TGS1: variants seen among roughly 807,000 people sequenced by gnomAD.
The protein encoded by TGS1 is trimethylguanosine synthase 1.
A neutral mutation model predicts 92.2 loss-of-function variants in TGS1; 69 were observed. The ratio of observed to expected loss-of-function variants is 0.75; its 90% CI spans 0.62 to 0.91. TGS1 has a LOEUF of 0.91. Ranked by LOEUF, TGS1 falls within the 40% of genes least tolerant of loss-of-function variation. TGS1 has a pLI of 0.00. For missense variants in TGS1, 1,062 were observed against 1,001.2 expected (o/e 1.06, Z -0.82); for synonymous variants, 345 against 338.1 (o/e 1.02, Z -0.22).
chr8:55,773,604 C>T lies in TGS1; in HGVS notation c.-15C>T. The T allele has an allele frequency of 6.2e-7, 1 of 1,603,738 alleles. No homozygotes were observed. The highest frequency in any genetic ancestry group is 8.5e-7 in the Non-Finnish European group (1 of 1,175,324). ...CCCGGGCTGCGTACGTCAGAGCTGC[C>T]TCCGAAGTGGTAAAATGTGCTGCGA... is the stretch of plus-strand genomic sequence containing the variant. On this transcript the variant is annotated 5_prime_UTR_variant, in exon 1 of 13. Coordinates refer to ENST00000260129, the MANE Select transcript of TGS1 (RefSeq NM_024831.8).
intron 12 of TGS1, among the ~76,000 whole-genome samples, chr8:55,814,154 C>T (rs958537203): frequency 2.0e-5 from 3 of 152,062 alleles, no homozygotes; most frequent in African/African-American, 7.2e-5. Flanking sequence ...CACCATGTTG[C>T]CCACACTGGT....
In TGS1 at chr8:55,804,978, A is replaced by G; in HGVS notation, c.2085A>G (p.Val695=). The G allele has an allele frequency of 6.2e-7, 1 of 1,614,088 alleles. No individual in the cohort carries two copies. The highest frequency in any genetic ancestry group is 8.5e-7 in the Non-Finnish European group (1 of 1,179,982). ...AGTCCTTCAAGTGTGACGTTGTAGT[A>G]GACGCATTCTGTGGAGTTGGAGGAA... The part of the protein sequence containing the change: ...VSQSFKCDVV[V]DAFCGVGGNT... Residue 695 remains valine, a synonymous_variant, in exon 10 of 13, where the codon GTA becomes GTG. Coordinates refer to ENST00000260129, the MANE Select transcript of TGS1 (RefSeq NM_024831.8).
chr8:55,793,623 A>C (rs1312207453), intron 6 of TGS1, among the ~76,000 whole-genome samples: 1 of 152,068 alleles, frequency 6.6e-6, no homozygotes, highest in Admixed American at 6.6e-5. Context: ...GTTGCAGCAC[A>C]GTGGTGCGAT....
At chr8:55,793,644 T>A (rs1418257631) in intron 6 of TGS1, among the ~76,000 whole-genome samples, 1 of 152,140 alleles carries the variant, frequency 6.6e-6, no homozygotes, top group Non-Finnish European at 1.5e-5. Context: ...CTCGGCCCAC[T>A]GCGACATCCG....
intron 10 of TGS1, 68 bp downstream of exon 10, chr8:55,805,104 T>C (rs1812330463): frequency 2.9e-6 from 4 of 1,376,894 alleles, no homozygotes; most frequent in African/African-American, 2.8e-5. Context: ...TCCATTTTGC[T>C]ACAGCCTATC....
At chr8:55,810,776 A>T in intron 10 of TGS1, 105 bp from the exon 11 acceptor site, 1 of 920,804 alleles carries the variant, frequency 1.1e-6, no homozygotes, top group Non-Finnish European at 1.7e-6. Context: ...TCCTCTTTAT[A>T]AAGAGTTCTT....
At chr8:55,782,901 G>T in intron 2 of TGS1, 89 bp downstream of exon 2, 1 of 814,224 alleles carries the variant, frequency 1.2e-6, no homozygotes, top group Non-Finnish European at 1.9e-6. Context: ...ATATTGTATT[G>T]ATTTGTTAGC....
chr8:55,820,203 C>T (rs975582195), intron 12 of TGS1, among the ~76,000 whole-genome samples: 1 of 152,110 alleles, frequency 6.6e-6, no homozygotes, highest in Non-Finnish European at 1.5e-5. Context: ...GTTATTTTCT[C>T]TCATTCGGTT....
At chr8:55,778,359 A>G (rs1416957378) in intron 1 of TGS1, among the ~76,000 whole-genome samples, 3 of 152,194 alleles carry the variant, frequency 2.0e-5, no homozygotes. Flanking sequence ...CTATGCTACC[A>G]GTTGGCATAG....
chr8:55,773,692 T>G lies in TGS1; in HGVS notation c.74T>G (p.Leu25Arg). 6.2e-7 allele frequency: 1 copy of G among 1,611,242 alleles called. No individual in the cohort carries two copies. The highest frequency in any genetic ancestry group is 8.5e-7 in the Non-Finnish European group (1 of 1,178,930). Residue 25 changes from leucine to arginine, a missense_variant, in exon 1 of 13, where the codon CTG becomes CGG. Leu to Arg is a moderately radical substitution (Grantham distance 102). Coordinates refer to ENST00000260129, the MANE Select transcript of TGS1 (RefSeq NM_024831.8). ...GAGGAGCGGGAGGATTGTAAGATAC[T>G]GTGCCTTTGCTCCAGGGCATTTGTG... is the stretch of plus-strand genomic sequence containing the variant. ...FIEEREDCKILCLCSRAFVED... is the reference protein window; with the variant it reads ...FIEEREDCKIRCLCSRAFVED...
chr8:55,804,979 G>C lies in TGS1; in HGVS notation c.2086G>C (p.Asp696His), dbSNP rs2130198967. The change falls in exon 10 of 13, where the codon GAC becomes CAC. Residue 696 changes from aspartate (D) to histidine (H), a missense_variant. Asp to His is a moderately conservative substitution (Grantham distance 81). Transcript: ENST00000260129. ...SQSFKCDVVV[D>H]AFCGVGGNTI... ...GTCCTTCAAGTGTGACGTTGTAGTAGACGCATTCTGTGGAGTTGGAGGAAA... is the reference window on the plus strand; with the variant it reads ...GTCCTTCAAGTGTGACGTTGTAGTACACGCATTCTGTGGAGTTGGAGGAAA... The C allele has an allele frequency of 6.2e-7, 1 of 1,614,052 alleles. No individual in the cohort carries two copies. The highest frequency in any genetic ancestry group is 2.2e-5 in the East Asian group (1 of 44,860).
Position 55,804,946 on chromosome 8 carries a change from G to T in TGS1, c.2053G>T (p.Val685Phe). The change falls in exon 10 of 13, where the codon GTT (valine) becomes TTT (phenylalanine). Residue 685 changes from valine to phenylalanine, a missense_variant. Val to Phe is a conservative substitution (Grantham distance 50, BLOSUM62 -1). Transcript: ENST00000260129. ...GATTGCTGAACACATTGCTGGCCGT[G>T]TTAGTCAGTCCTTCAAGTGTGACGT... Reference protein sequence around the residue: ...EKIAEHIAGRVSQSFKCDVVV... With the variant: ...EKIAEHIAGRFSQSFKCDVVV... 1 of 1,614,046 alleles carries T rather than the reference G, an allele frequency of 6.2e-7. No homozygotes were observed. Among genetic ancestry groups the T allele is most frequent in the South Asian group, 1.1e-5 (1 of 91,074 alleles).
At position 55,786,227 on chromosome 8, in the gene TGS1, A is replaced by G; in HGVS notation, c.340-11A>G. Reference sequence around the variant, plus strand: ...AGTGCATTTTATATTCAAGTTATTTATCTGATATAGGTATCTATGAATACT... The same window carrying G: ...AGTGCATTTTATATTCAAGTTATTTGTCTGATATAGGTATCTATGAATACT... On this transcript the variant is annotated splice_polypyrimidine_tract_variant and intron_variant, in intron 3 of 12. Coordinates refer to ENST00000260129, the MANE Select transcript of TGS1 (RefSeq NM_024831.8). 1 of 1,231,118 alleles carries G rather than the reference A, an allele frequency of 8.1e-7. No homozygotes were observed. The highest frequency in any genetic ancestry group is 1.1e-6 in the Non-Finnish European group (1 of 893,130). The allele number at this position is 1,231,118 out of a possible 1,614,324, so 76.3% of individuals were successfully genotyped here.
intron 1 of TGS1, among the ~76,000 whole-genome samples, chr8:55,776,041 C>T (rs980521994): frequency 6.6e-6 from 1 of 152,100 alleles, no homozygotes; most frequent in African/African-American, 2.4e-5. Context: ...CAAAACCCCT[C>T]AGACACCAGG....
rs1172500987 is a variant in TGS1 at position 55,825,023 on chromosome 8, G to A, written c.*320G>A. On this transcript the variant is annotated 3_prime_UTR_variant, in exon 13 of 13. Coordinates refer to ENST00000260129, the MANE Select transcript of TGS1 (RefSeq NM_024831.8). ...TGCAGGTTCAGCCTTCTGAGTTCAA[G>A]CAATCCTTCTGTCTCAGTCTCCTCA... is the stretch of plus-strand genomic sequence containing the variant. 4.8e-6 allele frequency: 1 copy of A among 207,072 alleles called. No individual in the cohort carries two copies. Among genetic ancestry groups the A allele is most frequent in the African/African-American group, 2.4e-5 (1 of 42,288 alleles). 12.8% of individuals were successfully genotyped at this position (207,072 alleles called of 1,614,324 possible). A position where few individuals can be genotyped will look rare whatever the true frequency, so the allele number is the denominator to read the frequency against.
chr8:55,778,375 G>A (rs987131274), intron 1 of TGS1, among the ~76,000 whole-genome samples: 5 of 152,154 alleles, frequency 3.3e-5, no homozygotes, highest in African/African-American at 1.2e-4. Context: ...CATAGAACAT[G>A]ATTTCATTGA....
At chr8:55,817,427 A>G (rs1803512306) in intron 12 of TGS1, among the ~76,000 whole-genome samples, 1 of 152,240 alleles carries the variant, frequency 6.6e-6, no homozygotes, top group Admixed American at 6.5e-5. Context: ...ATGAAAAACT[A>G]TTAGGTAATA....
intron 12 of TGS1, among the ~76,000 whole-genome samples, chr8:55,821,281 A>G (rs948289804): frequency 6.6e-6 from 1 of 152,242 alleles, no homozygotes; most frequent in Non-Finnish European, 1.5e-5. Context: ...TCTCCCAGCC[A>G]GAATGTAAAA....
At chr8:55,814,739 G>A (rs1185793838) in intron 12 of TGS1, among the ~76,000 whole-genome samples, 2 of 147,874 alleles carry the variant, frequency 1.4e-5, no homozygotes, top group Non-Finnish European at 3.0e-5. Context: ...CATGGTGGCG[G>A]CGTGCCTGTA....
Sources: allele counts gnomAD v4.1 joint callset (sites outside exome capture counted in the v4.1 genomes callset), GRCh38; gene constraint gnomAD v4.1.1; transcripts MANE v1.5; gene names NCBI Gene and HGNC (gene_info 2026-07-23, HGNC 2026-07-21).